The following SLIT2 variants were observed in gnomAD, a reference collection of about 807,000 sequenced individuals.
SLIT2 encodes slit guidance ligand 2.
In SLIT2, 41 loss-of-function variants were observed where a neutral mutation model predicts 185.7. The ratio of observed to expected loss-of-function variants is 0.22; its 90% CI spans 0.17 to 0.29. The LOEUF (loss-of-function observed/expected upper bound fraction) is 0.29. SLIT2 is among the 10% of genes least tolerant of loss of function. The pLI is 1.00. For synonymous variants in SLIT2, 693 were observed against 680.2 expected, an observed-to-expected ratio of 1.02 and a Z score of -0.29; for missense variants, 1,571 against 1,909.0, an observed-to-expected ratio of 0.82 and a Z score of 3.30.
intron 26 of SLIT2, among the ~76,000 whole-genome samples, chr4:20,566,718 C>G (rs1387047495): frequency 6.6e-6 from 1 of 151,988 alleles, no homozygotes; most frequent in Non-Finnish European, 1.5e-5. Context: ...TGGTTTATTT[C>G]TATATGCATA....
Position 20,261,422 on chromosome 4 carries a change from G to A in SLIT2, c.323+3483G>A, listed in dbSNP as rs545640902. ...TCTCCATGCAAAATTATTAATTTGA[G>A]TTTTTTTTGGATGCTGCATAATGTC... On this transcript the variant is annotated intron_variant, in intron 3 of 36. Transcript: ENST00000504154. Among the ~76,000 whole-genome samples the A allele has an allele frequency of 1.8e-3, 280 of 151,638 alleles. 1 individual carries two copies. In the Middle Eastern group the frequency reaches 0.024, roughly 13 times the overall value.
chr4:20,530,274 CTT>C (rs879748943), intron 16 of SLIT2, among the ~76,000 whole-genome samples: 2 of 145,330 alleles, frequency 1.4e-5, no homozygotes, highest in Non-Finnish European at 1.5e-5. Context: ...CACAATAGTA[CTT>C]TTTTTTTTTT....
intron 3 of SLIT2, among the ~76,000 whole-genome samples, chr4:20,266,173 ATAAT>A (rs368185198): frequency 9.9e-5 from 15 of 151,882 alleles, no homozygotes; most frequent in African/African-American, 3.6e-4. Context: ...GAAAGGGATA[ATAAT>A]TAAGAAAAAA....
At chr4:20,456,234 C>T (rs1713054784) in intron 4 of SLIT2, among the ~76,000 whole-genome samples, 1 of 152,072 alleles carries the variant, frequency 6.6e-6, no homozygotes, top group Non-Finnish European at 1.5e-5. Flanking sequence ...TCTTAGTCCT[C>T]TAGTCAGTGT....
At chr4:20,613,240 A>G (rs1390701194) in intron 34 of SLIT2, among the ~76,000 whole-genome samples, 2 of 152,200 alleles carry the variant, frequency 1.3e-5, no homozygotes, top group Non-Finnish European at 2.9e-5. Context: ...TGGCAAAGAC[A>G]TGGAATCAAC....
Position 20,546,067 on chromosome 4 carries a change from G to A in SLIT2, c.2313G>A (p.Lys771=). ...GAAACCAATTTACACTGGTTCCCAA[G>A]GAACTCTCCAACTACAAACATTTAA... ...LDGNQFTLVP[K]ELSNYKHLTL... Residue 771 remains lysine, a synonymous_variant, in exon 22 of 37, where the codon AAG becomes AAA. Transcript: ENST00000504154. The A allele has an allele frequency of 6.3e-7, 1 of 1,589,180 alleles. No individual in the cohort carries two copies. Among genetic ancestry groups the A allele is most frequent in the African/African-American group, 1.3e-5 (1 of 74,364 alleles).
Position 20,254,001 on chromosome 4 carries a change from A to G in SLIT2, c.179+7A>G. Reference sequence around the variant, plus strand: ...CCCGCAACACCGAGAGACTGTGAGTATGCGCTCTTCGTCTTCCCCTCTCCC... The same window carrying G: ...CCCGCAACACCGAGAGACTGTGAGTGTGCGCTCTTCGTCTTCCCCTCTCCC... On this transcript the variant is annotated splice_region_variant and intron_variant, in intron 1 of 36. Transcript: ENST00000504154. The surrounding 1 kb of genome is among the most constrained non-coding windows in gnomAD (Gnocchi z 5.1). 1 of 1,598,540 alleles carries G rather than the reference A, an allele frequency of 6.3e-7. No homozygotes were observed. The highest frequency in any genetic ancestry group is 8.5e-7 in the Non-Finnish European group (1 of 1,177,006).
At chr4:20,321,671 G>A (rs987987064) in intron 4 of SLIT2, among the ~76,000 whole-genome samples, 7 of 152,308 alleles carry the variant, frequency 4.6e-5, no homozygotes, top group South Asian at 2.1e-4. Flanking sequence ...CATGAAATGC[G>A]TGGGAGCAAA....
intron 4 of SLIT2, among the ~76,000 whole-genome samples, chr4:20,348,645 C>T (rs1721633715): frequency 6.6e-6 from 1 of 152,074 alleles, no homozygotes; most frequent in Non-Finnish European, 1.5e-5. Flanking sequence ...CTGTGCTAGA[C>T]AAGGGGAGAA....
intron 29 of SLIT2, among the ~76,000 whole-genome samples, chr4:20,574,786 C>T (rs1175202670): frequency 1.3e-4 from 11 of 86,156 alleles, no homozygotes; most frequent in South Asian, 3.9e-4. Context: ...GACTCGCTTT[C>T]AAAAAAAAAA....
chr4:20,521,143 CCTT>C (rs1720804613), intron 12 of SLIT2, among the ~76,000 whole-genome samples: 1 of 152,294 alleles, frequency 6.6e-6, no homozygotes, highest in Non-Finnish European at 1.5e-5. Context: ...TGAAGTGTCA[CCTT>C]CTTTTTCTTT....
rs376079172 is a variant in SLIT2 at position 20,570,037 on chromosome 4, T to G, written c.3088+1033T>G. On this transcript the variant is annotated intron_variant, in intron 29 of 36. Transcript: ENST00000504154. ...CCCAAACTGAACTTTACTAGGTACC[T>G]TTCTTGATGGGAAAATGCTAGGTAG... 3.2e-4 allele frequency among the ~76,000 whole-genome samples: 49 copies of G among 152,232 alleles called. No individual in the cohort carries two copies. In the East Asian group the frequency reaches 5.0e-3, roughly 16 times the overall value.
rs532084110 is a variant in SLIT2, at chr4:20,520,029, G to A, written c.1130+576G>A. Among the ~76,000 whole-genome samples, 134 of 84,592 alleles carry A rather than the reference G, an allele frequency of 1.6e-3. 1 individual carries two copies. Among genetic ancestry groups the A allele is most frequent in the Non-Finnish European group, 2.5e-3 (120 of 48,904 alleles). 55.5% of individuals were successfully genotyped at this position (84,592 alleles called of 152,430 possible). A position where few individuals can be genotyped will look rare whatever the true frequency, so the allele number is the denominator to read the frequency against. ...AGCCCGGGCGACAGAGTGAGACTCC[G>A]TCTCAAAAAAAAAAAAAAAAAAAAA... On this transcript the variant is annotated intron_variant, in intron 12 of 36. Coordinates refer to ENST00000504154, the MANE Select transcript of SLIT2 (RefSeq NM_004787.4).
chr4:20,257,989 A>G (rs768754364), intron 3 of SLIT2, 50 bp downstream of exon 3: 2 of 890,422 alleles, frequency 2.2e-6, no homozygotes, highest in Non-Finnish European at 3.6e-6. Context: ...TGTTTTTTAA[A>G]AATACTTAAA....
intron 29 of SLIT2, among the ~76,000 whole-genome samples, chr4:20,586,721 C>T (rs150578531): frequency 2.0e-5 from 3 of 152,002 alleles, no homozygotes; most frequent in Admixed American, 2.0e-4. Context: ...TAGTCAAACA[C>T]AATATAAAAT....
chr4:20,584,978 C>A (rs1342982664), intron 29 of SLIT2, among the ~76,000 whole-genome samples: 2 of 151,986 alleles, frequency 1.3e-5, no homozygotes, highest in Non-Finnish European at 2.9e-5. Context: ...TCACTTGAGC[C>A]TGGGAGGCAG....
chr4:20,339,900 T>G (rs1206248467), intron 4 of SLIT2, among the ~76,000 whole-genome samples: 1 of 152,158 alleles, frequency 6.6e-6, no homozygotes, highest in Non-Finnish European at 1.5e-5. Flanking sequence ...TATGTCTTTG[T>G]AGTATGGTAC....
At chr4:20,377,048 A>C (rs1724082322) in intron 4 of SLIT2, among the ~76,000 whole-genome samples, 1 of 151,928 alleles carries the variant, frequency 6.6e-6, no homozygotes, top group Non-Finnish European at 1.5e-5. Flanking sequence ...AAATAAAAAG[A>C]GAGAGAGAAA....
chr4:20,494,366 G>A (rs376852765), intron 9 of SLIT2, among the ~76,000 whole-genome samples: 6 of 152,168 alleles, frequency 3.9e-5, no homozygotes, highest in East Asian at 3.9e-4. Context: ...TGAGTGATGC[G>A]GAGGTTGTGG....
Sources: gnomAD v4.1 joint callset for allele counts (sites outside exome capture counted in the v4.1 genomes callset) on GRCh38, gnomAD v4.1.1 for gene constraint, Gnocchi (gnomAD v3.1) non-coding constraint, MANE v1.5 for transcripts, NCBI Gene and HGNC (gene_info 2026-07-23, HGNC 2026-07-21) for gene names.